IQGAP1: variants seen among roughly 807,000 people sequenced by gnomAD.
IQGAP1 encodes ras GTPase-activating-like protein IQGAP1.
Under a neutral mutation model 215.6 loss-of-function variants are expected in IQGAP1, and 66 were observed. The ratio of observed to expected loss-of-function variants is 0.31; its 90% CI spans 0.25 to 0.38. IQGAP1 has a LOEUF of 0.38. Among genes scored for constraint, IQGAP1 ranks in the 10% least tolerant of loss-of-function variants. The pLI is 1.00. For synonymous variants in IQGAP1, 772 were observed against 728.7 expected (o/e 1.06, Z -0.96); for missense variants, 1,712 against 1,997.1 (o/e 0.86, Z 2.72).
chr15:90,457,628 G>A (rs1314696790), intron 15 of IQGAP1, among the ~76,000 whole-genome samples: 3 of 143,630 alleles, frequency 2.1e-5, no homozygotes, highest in African/African-American at 5.2e-5. Context: ...TTTTTGTAGA[G>A]ATGGGGTTTC....
chr15:90,400,283 T>C (rs1163251215), intron 2 of IQGAP1, among the ~76,000 whole-genome samples: 1 of 152,256 alleles, frequency 6.6e-6, no homozygotes, highest in Non-Finnish European at 1.5e-5. Context: ...TCTAGGTATG[T>C]GTCTCACATA....
At chr15:90,436,897 G>C (rs1333194965) in intron 5 of IQGAP1, among the ~76,000 whole-genome samples, 1 of 152,220 alleles carries the variant, frequency 6.6e-6, no homozygotes, top group East Asian at 1.9e-4. Context: ...CAGTGATACG[G>C]TTGTAGCACC....
rs764089739 is a variant in IQGAP1, at chr15:90,473,938, C to T, written c.2476C>T (p.Arg826Ter). The T allele has an allele frequency of 6.2e-7, 1 of 1,614,034 alleles. No individual in the cohort carries two copies. The highest frequency in any genetic ancestry group is 8.5e-7 in the Non-Finnish European group (1 of 1,180,010). ...GATGCACCAAGCTCGAAAGCGCTAT[C>T]GAGATCGCCTGCAGTACTTCCGGGA... ...ARMHQARKRY[R>*]DRLQYFRDHI... Residue 826 changes from arginine (R) to a stop codon, truncating the protein, a stop_gained, in exon 21 of 38, where the codon CGA becomes TGA. Coordinates refer to ENST00000268182, the MANE Select transcript of IQGAP1 (RefSeq NM_003870.4). LOFTEE classifies it high-confidence loss of function.
At chr15:90,486,789 T>C in intron 31 of IQGAP1, 165 bp from the exon 32 acceptor site, 3 of 669,626 alleles carry the variant, frequency 4.5e-6, no homozygotes, top group South Asian at 3.9e-5. Context: ...CCTTTATCAT[T>C]TGGCATAACA....
intron 4 of IQGAP1, among the ~76,000 whole-genome samples, chr15:90,431,802 G>T (rs1965307303): frequency 6.6e-6 from 1 of 151,986 alleles, no homozygotes; most frequent in South Asian, 2.1e-4. Flanking sequence ...GTGTTTATTG[G>T]GATGTCTTTT....
chr15:90,466,670 T>TA (rs1329229718), intron 17 of IQGAP1, among the ~76,000 whole-genome samples: 3 of 149,542 alleles, frequency 2.0e-5, no homozygotes, highest in Non-Finnish European at 4.4e-5. Context: ...AAGATTAAAA[T>TA]ATTTAACTGT....
At chr15:90,441,016 A>G (rs940331221) in intron 7 of IQGAP1, among the ~76,000 whole-genome samples, 1 of 152,108 alleles carries the variant, frequency 6.6e-6, no homozygotes, top group Non-Finnish European at 1.5e-5. Context: ...CTGAGGCAGG[A>G]GAATCACTTG....
chr15:90,479,517 T>C (rs1328417457), intron 26 of IQGAP1, among the ~76,000 whole-genome samples: 1 of 151,122 alleles, frequency 6.6e-6, no homozygotes, highest in Non-Finnish European at 1.5e-5. Flanking sequence ...GTGGGAGGAT[T>C]GCTTGAGCTC....
chr15:90,464,017 C>A (rs1271609835), intron 15 of IQGAP1, among the ~76,000 whole-genome samples: 1 of 152,172 alleles, frequency 6.6e-6, no homozygotes, highest in East Asian at 1.9e-4. Context: ...TTCACTTTGC[C>A]TCAAAGCTCA....
intron 15 of IQGAP1, among the ~76,000 whole-genome samples, chr15:90,456,987 A>AT (rs1489700541): frequency 2.4e-4 from 29 of 122,758 alleles, no homozygotes; most frequent in South Asian, 4.9e-4. Context: ...TCCAGAAAAA[A>AT]AAATATATAT....
chr15:90,403,267 C>T (rs1964829568), intron 2 of IQGAP1, among the ~76,000 whole-genome samples: 1 of 152,168 alleles, frequency 6.6e-6, no homozygotes, highest in Non-Finnish European at 1.5e-5. Context: ...TCCCTGAAGA[C>T]ATGCTATGTC....
chr15:90,491,227 G>T (rs1016862132), intron 33 of IQGAP1, 106 bp from the exon 34 acceptor site: 1 of 903,646 alleles, frequency 1.1e-6, no homozygotes, highest in Non-Finnish European at 1.7e-6. Flanking sequence ...CTGTTTCAAG[G>T]TTGGAGTTTA....
chr15:90,452,809 C>T lies in IQGAP1; in HGVS notation c.1197C>T (p.Ile399=). ...LAAVALINAA[I]QKGVAEKTVL... is the part of the protein sequence containing the mutation. ...CAGTAGCACTGATTAATGCTGCAAT[C>T]CAGAAGGGTGTTGCTGAGAAGACTG... Residue 399 remains isoleucine (I), a synonymous_variant, in exon 12 of 38, where the codon ATC becomes ATT. Coordinates refer to ENST00000268182, the MANE Select transcript of IQGAP1 (RefSeq NM_003870.4). The T allele has an allele frequency of 6.2e-7, 1 of 1,614,120 alleles. No homozygotes were observed. The highest frequency in any genetic ancestry group is 8.5e-7 in the Non-Finnish European group (1 of 1,180,004).
intron 2 of IQGAP1, chr15:90,391,137 C>A: frequency 3.3e-6 from 1 of 305,344 alleles, no homozygotes; most frequent in Non-Finnish European, 6.4e-6. Context: ...ACTCGGGAGC[C>A]TGAGGAGGGA....
chr15:90,486,821 G>T, intron 31 of IQGAP1, 133 bp from the exon 32 acceptor site: 1 of 838,132 alleles, frequency 1.2e-6, no homozygotes, highest in East Asian at 2.6e-5. Flanking sequence ...AGTAAAAGTT[G>T]TTCTCGTCAC....
chr15:90,404,597 T>C (rs564912221), intron 2 of IQGAP1, among the ~76,000 whole-genome samples: 1 of 152,088 alleles, frequency 6.6e-6, no homozygotes, highest in Non-Finnish European at 1.5e-5. Flanking sequence ...CATTCCACTT[T>C]GTCCTTTAAT....
chr15:90,403,942 T>C (rs544341520), intron 2 of IQGAP1, among the ~76,000 whole-genome samples: 2 of 152,354 alleles, frequency 1.3e-5, no homozygotes, highest in Middle Eastern at 3.4e-3. Context: ...CCCTAAGTGT[T>C]GGGCTTACAG....
At chr15:90,410,358 A>C (rs1299664196) in intron 2 of IQGAP1, among the ~76,000 whole-genome samples, 3 of 152,198 alleles carry the variant, frequency 2.0e-5, no homozygotes, top group Non-Finnish European at 2.9e-5. Flanking sequence ...AGGATTATAA[A>C]TCATGCTGCT....
At chr15:90,482,565 C>T in intron 28 of IQGAP1, 2 of 424,416 alleles carry the variant, frequency 4.7e-6, no homozygotes, top group Non-Finnish European at 8.3e-6. Context: ...ATTGTTCCCT[C>T]TGCTGGTGAC....
Sources: allele counts gnomAD v4.1 joint callset (sites outside exome capture counted in the v4.1 genomes callset), GRCh38; gene constraint gnomAD v4.1.1; transcripts MANE v1.5; gene names NCBI Gene and HGNC (gene_info 2026-07-23, HGNC 2026-07-21).